The following ST3GAL3 variants were observed in gnomAD, a reference collection of about 807,000 sequenced individuals.
The protein encoded by ST3GAL3 is CMP-N-acetylneuraminate-beta-1,4-galactoside alpha-2,3-sialyltransferase.
In ST3GAL3, 21 loss-of-function variants were observed where a neutral mutation model predicts 50.1. The ratio of observed to expected loss-of-function variants is 0.42; its 90% CI spans 0.30 to 0.60. The LOEUF (loss-of-function observed/expected upper bound fraction) is 0.60, where lower values mean the gene tolerates loss of function less well. Among genes scored for constraint, ST3GAL3 ranks in the 20% least tolerant of loss-of-function variants. ST3GAL3 has a pLI of 0.19. For missense variants in ST3GAL3, 353 were observed against 489.4 expected (o/e 0.72, Z 2.63); for synonymous variants, 183 against 190.0 (o/e 0.96, Z 0.30).
intron 2 of ST3GAL3, among the ~76,000 whole-genome samples, chr1:43,788,518 G>A (rs2057635313): frequency 6.6e-6 from 1 of 152,270 alleles, no homozygotes; most frequent in South Asian, 2.1e-4. Flanking sequence ...GTGAGGCCAG[G>A]TTTGGACCCC....
intron 5 of ST3GAL3, among the ~76,000 whole-genome samples, chr1:43,884,654 A>G (rs967861847): frequency 2.0e-5 from 3 of 152,320 alleles, no homozygotes; most frequent in Admixed American, 2.0e-4. Context: ...TGTGGGAGCC[A>G]AGGCCTGTGG....
chr1:43,817,445 CT>C (rs2061412739), intron 4 of ST3GAL3, among the ~76,000 whole-genome samples: 1 of 133,458 alleles, frequency 7.5e-6, no homozygotes, highest in Admixed American at 7.8e-5. Flanking sequence ...CTTCCTTCTC[CT>C]TCTTCTTTCT....
chr1:43,915,115 GAA>G (rs1259670774), intron 9 of ST3GAL3, among the ~76,000 whole-genome samples: 3 of 152,248 alleles, frequency 2.0e-5, no homozygotes, highest in Non-Finnish European at 4.4e-5. Flanking sequence ...GTTTGCCAGA[GAA>G]AGAGATGTTG....
chr1:43,869,286 G>A (rs773106435), intron 5 of ST3GAL3, among the ~76,000 whole-genome samples: 2 of 152,154 alleles, frequency 1.3e-5, no homozygotes, highest in Non-Finnish European at 2.9e-5. Flanking sequence ...AGTTCTGCCT[G>A]CCAGAGCCAC....
rs990115806 is a variant in ST3GAL3, at chr1:43,859,621, T to C, written c.302+21310T>C. On this transcript the variant is annotated intron_variant, in intron 5 of 11. Coordinates refer to ENST00000347631, the MANE Select transcript of ST3GAL3 (RefSeq NM_006279.5). ...AAAATGACACCTTTGGCTTTGCTGC[T>C]CAGCCCCTTCAGATAGTGTGTCTGG... Among the ~76,000 whole-genome samples the C allele has an allele frequency of 2.4e-4, 37 of 152,112 alleles. 1 individual carries two copies. Among genetic ancestry groups the C allele is most frequent in the African/African-American group, 8.9e-4 (37 of 41,504 alleles).
chr1:43,795,270 G>C (rs2058555950), intron 3 of ST3GAL3, among the ~76,000 whole-genome samples: 1 of 152,210 alleles, frequency 6.6e-6, no homozygotes, highest in African/African-American at 2.4e-5. Context: ...GGTTCTCAGT[G>C]AAGGCTGGCA....
chr1:43,899,420 G>A lies in ST3GAL3; in HGVS notation c.558-121G>A. 1 of 1,570,912 alleles carries A rather than the reference G, an allele frequency of 6.4e-7. No individual in the cohort carries two copies. The highest frequency in any genetic ancestry group is 8.7e-7 in the Non-Finnish European group (1 of 1,155,720). ...GCTTTGGAACAGACAACTAGCGGGGGCACCTGGGGAGAATAGGTCCAGGTG... is the reference window on the plus strand; with the variant it reads ...GCTTTGGAACAGACAACTAGCGGGGACACCTGGGGAGAATAGGTCCAGGTG... On this transcript the variant is annotated intron_variant, in intron 8 of 11. Transcript: ENST00000347631. This position sits in a 1 kb window ranked among gnomAD's most constrained non-coding sequence, Gnocchi z 5.4.
At chr1:43,742,451 C>T (rs10890276) in intron 2 of ST3GAL3, among the ~76,000 whole-genome samples, 48,794 of 152,032 alleles carry the variant, frequency 0.32, 9,395 homozygotes, top group East Asian at 0.53. Context: ...AATTCAGGGC[C>T]GTCAGGTAGT....
intron 9 of ST3GAL3, among the ~76,000 whole-genome samples, chr1:43,907,439 T>C (rs539375698): frequency 6.6e-6 from 1 of 152,328 alleles, no homozygotes; most frequent in South Asian, 2.1e-4. Context: ...TCAGTGCTGC[T>C]TCCCATTCCT....
At chr1:43,726,845 C>T (rs781106686) in intron 1 of ST3GAL3, among the ~76,000 whole-genome samples, 24 of 151,654 alleles carry the variant, frequency 1.6e-4, no homozygotes, top group Non-Finnish European at 2.9e-4. Context: ...CCGCCTGCCT[C>T]GGCCTCCCAA....
At chr1:43,828,334 G>T (rs1217927133) in intron 4 of ST3GAL3, among the ~76,000 whole-genome samples, 1 of 152,038 alleles carries the variant, frequency 6.6e-6, no homozygotes, top group East Asian at 1.9e-4. Context: ...TGTGATTTTG[G>T]GTTTGGTAAT....
chr1:43,771,140 T>C (rs560494269), intron 2 of ST3GAL3, among the ~76,000 whole-genome samples: 1 of 152,384 alleles, frequency 6.6e-6, no homozygotes, highest in Admixed American at 6.5e-5. Context: ...ATTTTCATCC[T>C]CTATTTTGTC....
chr1:43,777,060 C>T (rs542342915), intron 2 of ST3GAL3, among the ~76,000 whole-genome samples: 1 of 152,194 alleles, frequency 6.6e-6, no homozygotes, highest in South Asian at 2.1e-4. Flanking sequence ...GGGTCTCTGG[C>T]ACATGTATAT....
At chr1:43,712,160 A>G (rs1175195752) in intron 1 of ST3GAL3, among the ~76,000 whole-genome samples, 1 of 152,244 alleles carries the variant, frequency 6.6e-6, no homozygotes, top group African/African-American at 2.4e-5. Context: ...GAATTAAACA[A>G]GTCAGTTCAT....
At chr1:43,828,848 T>C (rs144780930) in intron 4 of ST3GAL3, among the ~76,000 whole-genome samples, 15 of 152,318 alleles carry the variant, frequency 9.8e-5, no homozygotes, top group Middle Eastern at 3.4e-3. Flanking sequence ...TTGGCCACTT[T>C]GGAGCACAGT....
intron 2 of ST3GAL3, among the ~76,000 whole-genome samples, chr1:43,748,278 CAT>C (rs1684647255): frequency 6.6e-6 from 1 of 151,952 alleles, no homozygotes; most frequent in Non-Finnish European, 1.5e-5. Flanking sequence ...TAAATCTAAA[CAT>C]ATGCAAGACC....
At position 43,899,809 on chromosome 1, in the gene ST3GAL3, C is replaced by A; in HGVS notation, c.744+82C>A. 7.5e-7 allele frequency: 1 copy of A among 1,336,050 alleles called. No individual in the cohort carries two copies. Among genetic ancestry groups the A allele is most frequent in the East Asian group, 2.3e-5 (1 of 42,752 alleles). The allele number at this position is 1,336,050 out of a possible 1,614,324, so 82.8% of individuals were successfully genotyped here. The stretch of plus-strand genomic sequence containing the variant: ...AAGCAATCCCGCCCCTTGAATGCAG[C>A]AAAGAACGAGTAAGAACCTTCAAAG... On this transcript the variant is annotated intron_variant, in intron 9 of 11. Coordinates refer to ENST00000347631, the MANE Select transcript of ST3GAL3 (RefSeq NM_006279.5). The surrounding 1 kb of genome is among the most constrained non-coding windows in gnomAD (Gnocchi z 5.4).
At chr1:43,728,824 AACAC>A (rs1436853107) in intron 1 of ST3GAL3, among the ~76,000 whole-genome samples, 1 of 152,192 alleles carries the variant, frequency 6.6e-6, no homozygotes, top group Non-Finnish European at 1.5e-5. Flanking sequence ...TTGTATATAT[AACAC>A]ACATATATAC....
chr1:43,769,391 G>A (rs1694241553), intron 2 of ST3GAL3, among the ~76,000 whole-genome samples: 1 of 152,156 alleles, frequency 6.6e-6, no homozygotes, highest in Non-Finnish European at 1.5e-5. Context: ...TGAGCTGAAT[G>A]CCTAGCCTGG....
Sources: gnomAD v4.1 joint callset for allele counts (sites outside exome capture counted in the v4.1 genomes callset) on GRCh38, gnomAD v4.1.1 for gene constraint, Gnocchi (gnomAD v3.1) non-coding constraint, MANE v1.5 for transcripts, NCBI Gene and HGNC (gene_info 2026-07-23, HGNC 2026-07-21) for gene names.